The following KHDRBS2 variants were observed in gnomAD, a reference collection of about 807,000 sequenced individuals.
The protein encoded by KHDRBS2 is KH domain-containing, RNA-binding, signal transduction-associated protein 2.
Under a neutral mutation model 44.3 loss-of-function variants are expected in KHDRBS2, and 26 were observed. That is an observed-to-expected ratio of 0.59 (90% confidence interval 0.43 to 0.81). The LOEUF is 0.81. Among genes scored for constraint, KHDRBS2 ranks in the 40% least tolerant of loss-of-function variants. KHDRBS2 has a pLI of 0.00. For synonymous variants in KHDRBS2, 194 were observed against 151.1 expected, an observed-to-expected ratio of 1.28 and a Z score of -2.08; for missense variants, 476 against 433.1, an observed-to-expected ratio of 1.10 and a Z score of -0.88.
chr6:61,896,811 C>A (rs1008937987), intron 5 of KHDRBS2, among the ~76,000 whole-genome samples: 2 of 152,184 alleles, frequency 1.3e-5, no homozygotes, highest in Admixed American at 1.3e-4. Flanking sequence ...TCACCAGTAG[C>A]CTACTGATTT....
chr6:61,739,309 G>A (rs1355848068), intron 6 of KHDRBS2, among the ~76,000 whole-genome samples: 1 of 151,762 alleles, frequency 6.6e-6, no homozygotes, highest in Non-Finnish European at 1.5e-5. Context: ...ACTGTTATTT[G>A]ACATTTTTAT....
At chr6:61,820,486 T>G (rs1789724355) in intron 6 of KHDRBS2, among the ~76,000 whole-genome samples, 1 of 151,946 alleles carries the variant, frequency 6.6e-6, no homozygotes, top group African/African-American at 2.4e-5. Flanking sequence ...GGGCCTGAGG[T>G]TATAGAACAG....
chr6:62,087,363 T>C (rs1798589297), intron 2 of KHDRBS2, among the ~76,000 whole-genome samples: 1 of 151,938 alleles, frequency 6.6e-6, no homozygotes, highest in Non-Finnish European at 1.5e-5. Context: ...TCTAAAAAAT[T>C]AGATTTTAAA....
chr6:61,585,082 G>A, the KHDRBS2 span, among the ~76,000 whole-genome samples: 28,416 of 151,586 alleles, frequency 0.19, 3,028 homozygotes, highest in East Asian at 0.29. Flanking sequence ...TTTGTGGAGC[G>A]TCGAAAAGAG....
chr6:61,736,783 C>A (rs1432424238), intron 6 of KHDRBS2, among the ~76,000 whole-genome samples: 1 of 151,982 alleles, frequency 6.6e-6, no homozygotes, highest in Non-Finnish European at 1.5e-5. Context: ...CTTTAGAAAT[C>A]TTTTCCTGCT....
At chr6:62,144,161 A>G (rs1186382609) in intron 2 of KHDRBS2, among the ~76,000 whole-genome samples, 1 of 151,922 alleles carries the variant, frequency 6.6e-6, no homozygotes, top group Non-Finnish European at 1.5e-5. Flanking sequence ...ATATTAAATA[A>G]ATTAGTGAAA....
chr6:62,220,884 T>A (rs553325366), intron 1 of KHDRBS2, among the ~76,000 whole-genome samples: 6 of 151,940 alleles, frequency 3.9e-5, no homozygotes, highest in Non-Finnish European at 8.8e-5. Context: ...AAAAATTTGT[T>A]AGATTACAAA....
the KHDRBS2 span, among the ~76,000 whole-genome samples, chr6:61,607,542 A>AAAAAAAAAAAAAAT: frequency 1.3e-5 from 2 of 148,394 alleles, no homozygotes; most frequent in Non-Finnish European, 1.5e-5. Flanking sequence ...AAAAAAAAAA[A>AAAAAAAAAAAAAAT]AAAGATGTGT....
At chr6:62,013,153 T>C (rs140878765) in intron 3 of KHDRBS2, among the ~76,000 whole-genome samples, 1 of 152,302 alleles carries the variant, frequency 6.6e-6, no homozygotes, top group East Asian at 1.9e-4. Flanking sequence ...CCCATGTTAA[T>C]TGACAAGATT....
intron 7 of KHDRBS2, among the ~76,000 whole-genome samples, chr6:61,700,270 C>A (rs1411206616): frequency 6.6e-6 from 1 of 151,070 alleles, no homozygotes; most frequent in Non-Finnish European, 1.5e-5. Flanking sequence ...ATGTTTCTCA[C>A]TTTTTATTTT....
rs188315841 is a variant in KHDRBS2, at chr6:61,910,197, G to A, written c.484-8826C>T. 1.6e-3 allele frequency among the ~76,000 whole-genome samples: 248 copies of A among 152,316 alleles called. 1 individual carries two copies. Among genetic ancestry groups the A allele is most frequent in the Non-Finnish European group, 3.0e-3 (203 of 68,024 alleles). ...GAAGCTATTTCAGAAAACAACTAGC[G>A]CTGTGGTGGATGTTATTTAGCAAAA... On this transcript the variant is annotated intron_variant, in intron 4 of 8. Transcript: ENST00000281156.
chr6:62,007,511 T>A (rs1221455191), intron 3 of KHDRBS2, among the ~76,000 whole-genome samples: 1 of 152,088 alleles, frequency 6.6e-6, no homozygotes, highest in Non-Finnish European at 1.5e-5. Context: ...CAGACCACAT[T>A]TTTATTTATG....
At chr6:61,555,900 G>A in the KHDRBS2 span, among the ~76,000 whole-genome samples, 5 of 152,172 alleles carry the variant, frequency 3.3e-5, no homozygotes, top group Admixed American at 6.5e-5. Flanking sequence ...TGCTGGAGAG[G>A]CCAAGGTTTT....
intron 4 of KHDRBS2, among the ~76,000 whole-genome samples, chr6:61,909,885 G>A (rs745386591): frequency 9.2e-5 from 14 of 152,166 alleles, no homozygotes; most frequent in Non-Finnish European, 1.6e-4. Context: ...TTCTTCTGAG[G>A]ATACAATGGA....
At chr6:61,938,160 G>C (rs1308695218) in intron 4 of KHDRBS2, among the ~76,000 whole-genome samples, 1 of 151,778 alleles carries the variant, frequency 6.6e-6, no homozygotes, top group South Asian at 2.1e-4. Context: ...CTCTTCAAGG[G>C]GTTTACAATC....
At chr6:61,829,575 A>T (rs1791472205) in intron 6 of KHDRBS2, among the ~76,000 whole-genome samples, 1 of 152,180 alleles carries the variant, frequency 6.6e-6, no homozygotes, top group Non-Finnish European at 1.5e-5. Context: ...CTAGTAAAAG[A>T]TAATACAGTA....
intron 1 of KHDRBS2, among the ~76,000 whole-genome samples, chr6:62,274,732 G>C (rs576238217): frequency 6.6e-6 from 1 of 151,874 alleles, no homozygotes; most frequent in Non-Finnish European, 1.5e-5. Context: ...GTCCTGCCCC[G>C]AACTCCTAAA....
the KHDRBS2 span, among the ~76,000 whole-genome samples, chr6:61,651,811 T>C: frequency 6.6e-6 from 1 of 152,106 alleles, no homozygotes; most frequent in South Asian, 2.1e-4. Context: ...TATAAGTATG[T>C]TCTAAAGATA....
chr6:61,721,247 G>T (rs897060158), intron 7 of KHDRBS2, among the ~76,000 whole-genome samples: 24 of 152,262 alleles, frequency 1.6e-4, no homozygotes, highest in African/African-American at 5.3e-4. Flanking sequence ...GCTCCGGATT[G>T]ACTGGGCGAC....
Sources: allele counts gnomAD v4.1 joint callset (sites outside exome capture counted in the v4.1 genomes callset), GRCh38; gene constraint gnomAD v4.1.1; transcripts MANE v1.5; gene names NCBI Gene and HGNC (gene_info 2026-07-23, HGNC 2026-07-21).